Variants in NFIB observed in about 807,000 individuals in gnomAD.
NFIB encodes nuclear factor I B, also known as nuclear factor 1 B-type.
Under a neutral mutation model 61.5 loss-of-function variants are expected in NFIB, and 11 were observed. The ratio of observed to expected loss-of-function variants is 0.18; its 90% CI spans 0.11 to 0.30. NFIB has a LOEUF of 0.30. Ranked by LOEUF, NFIB falls within the 10% of genes least tolerant of loss-of-function variation. The probability of loss-of-function intolerance (pLI) is 1.00; values close to 1 mark genes in which losing one functional copy is unlikely to be tolerated. For synonymous variants in NFIB, 260 were observed against 216.5 expected (o/e 1.20, Z -1.76); for missense variants, 471 against 608.9 (o/e 0.77, Z 2.38).
At chr9:14,199,856 T>A (rs2048837244) in intron 2 of NFIB, among the ~76,000 whole-genome samples, 1 of 152,200 alleles carries the variant, frequency 6.6e-6, no homozygotes, top group Non-Finnish European at 1.5e-5. Context: ...TCAGCTATTG[T>A]TTTTACTTAC....
At chr9:14,472,827 C>G in the NFIB span, among the ~76,000 whole-genome samples, 1 of 151,374 alleles carries the variant, frequency 6.6e-6, no homozygotes, top group African/African-American at 2.4e-5. Context: ...GGCGACAGAG[C>G]GAGACTCCGT....
At chr9:14,312,564 C>T (rs948455092) in intron 1 of NFIB, among the ~76,000 whole-genome samples, 1 of 152,138 alleles carries the variant, frequency 6.6e-6, no homozygotes, top group African/African-American at 2.4e-5. Context: ...GAAAACTGCC[C>T]CCAGGTAAGT....
the NFIB span, among the ~76,000 whole-genome samples, chr9:14,452,619 A>C: frequency 6.6e-6 from 1 of 152,206 alleles, no homozygotes; most frequent in African/African-American, 2.4e-5. Context: ...TCAGAATATA[A>C]TGAGAAAATC....
At chr9:14,334,142 G>A (rs1303994598) in intron 1 of NFIB, among the ~76,000 whole-genome samples, 2 of 152,148 alleles carry the variant, frequency 1.3e-5, no homozygotes, top group Admixed American at 6.5e-5. Context: ...GTTGTTTCCA[G>A]TTTGAGGCCA....
At chr9:14,493,721 T>G in the NFIB span, among the ~76,000 whole-genome samples, 3 of 152,352 alleles carry the variant, frequency 2.0e-5, no homozygotes, top group Admixed American at 2.0e-4. Context: ...AGGACCAGAA[T>G]GTACTTTAGT....
the NFIB span, among the ~76,000 whole-genome samples, chr9:14,408,051 A>C: frequency 1.3e-5 from 2 of 152,218 alleles, no homozygotes; most frequent in Admixed American, 1.3e-4. Context: ...TCACATTTGT[A>C]TTCTAAATGA....
the NFIB span, among the ~76,000 whole-genome samples, chr9:14,469,141 T>G: frequency 1.3e-5 from 2 of 152,182 alleles, no homozygotes; most frequent in African/African-American, 2.4e-5. Context: ...TGCCCACTTC[T>G]TTTCCAGAGC....
chr9:14,482,211 T>A, the NFIB span, among the ~76,000 whole-genome samples: 188 of 152,236 alleles, frequency 1.2e-3, 1 homozygote, highest in Middle Eastern at 3.4e-3. Flanking sequence ...CTGTTAAACT[T>A]CTTTGTCTAT....
At chr9:14,364,926 T>G (rs1001632896) in intron 1 of NFIB, among the ~76,000 whole-genome samples, 1 of 152,228 alleles carries the variant, frequency 6.6e-6, no homozygotes, top group African/African-American at 2.4e-5. Context: ...GAGTTCTTGG[T>G]AATCTAACAG....
At chr9:14,330,122 G>A (rs905848070) in intron 1 of NFIB, among the ~76,000 whole-genome samples, 14 of 151,932 alleles carry the variant, frequency 9.2e-5, no homozygotes, top group African/African-American at 3.1e-4. Flanking sequence ...GAGAGACTCC[G>A]TCTCAAAAAA....
intron 1 of NFIB, among the ~76,000 whole-genome samples, chr9:14,355,678 C>A (rs114710568): frequency 1.3e-5 from 2 of 152,162 alleles, no homozygotes; most frequent in Admixed American, 6.5e-5. Context: ...CTTGCCTGGC[C>A]GGCTGCAGTG....
the NFIB span, among the ~76,000 whole-genome samples, chr9:14,491,727 T>C: frequency 6.6e-6 from 1 of 152,202 alleles, no homozygotes; most frequent in Non-Finnish European, 1.5e-5. Flanking sequence ...AGTTTAATTA[T>C]AAATTCAAAG....
At chr9:14,150,957 C>T (rs2042805396) in intron 4 of NFIB, among the ~76,000 whole-genome samples, 1 of 151,964 alleles carries the variant, frequency 6.6e-6, no homozygotes, top group Admixed American at 6.6e-5. Context: ...CATCTGTTCA[C>T]ATTTTTTAAA....
At chr9:14,427,436 G>C in the NFIB span, among the ~76,000 whole-genome samples, 3 of 152,200 alleles carry the variant, frequency 2.0e-5, no homozygotes, top group Non-Finnish European at 4.4e-5. Context: ...CTGAGGTACA[G>C]AGGGGCCAAG....
At chr9:14,471,682 G>A in the NFIB span, among the ~76,000 whole-genome samples, 6 of 152,110 alleles carry the variant, frequency 3.9e-5, no homozygotes, top group Admixed American at 1.3e-4. Flanking sequence ...TTTTTGCCAC[G>A]TAAGTCACCA....
At chr9:14,314,184 G>T, upstream of NFIB, 1 of 767,926 alleles carries the variant, frequency 1.3e-6, no homozygotes, top group Non-Finnish European at 1.6e-6. Context: ...CGGGGTGGGG[G>T]CGGGGTGGGA....
the NFIB span, among the ~76,000 whole-genome samples, chr9:14,424,104 G>A: frequency 4.4e-3 from 662 of 152,100 alleles, 8 homozygotes; most frequent in African/African-American, 0.015. Flanking sequence ...TAACCCCCAC[G>A]TACTCTATGC....
At chr9:14,231,760 A>T (rs2053218038) in intron 2 of NFIB, among the ~76,000 whole-genome samples, 1 of 152,222 alleles carries the variant, frequency 6.6e-6, no homozygotes, top group African/African-American at 2.4e-5. Context: ...AGAGAACTGC[A>T]TAACATGTCA....
chr9:14,284,348 T>C (rs1200289895), intron 2 of NFIB, among the ~76,000 whole-genome samples: 5 of 152,190 alleles, frequency 3.3e-5, no homozygotes, highest in Admixed American at 2.6e-4. Context: ...TTTCTGGATC[T>C]TTCCATACAT....
Sources: gnomAD v4.1 joint callset for allele counts (sites outside exome capture counted in the v4.1 genomes callset) on GRCh38, gnomAD v4.1.1 for gene constraint, MANE v1.5 for transcripts, NCBI Gene and HGNC (gene_info 2026-07-23, HGNC 2026-07-21) for gene names.